The following KBTBD11 variants were observed in gnomAD, a reference collection of about 807,000 sequenced individuals.
KBTBD11 encodes the protein kelch repeat and BTB domain-containing protein 11.
For synonymous variants in KBTBD11, 747 were observed against 499.0 expected (o/e 1.50, Z -6.63); for missense variants, 1,390 against 1,001.8 (o/e 1.39, Z -5.23).
intron 1 of KBTBD11, among the ~76,000 whole-genome samples, chr8:1,985,934 A>G (rs1489743436): frequency 6.6e-6 from 1 of 152,234 alleles, no homozygotes; most frequent in Admixed American, 6.5e-5. Context: ...TTGTAGACAC[A>G]TCGGTTTTGC....
At chr8:1,985,658 C>G (rs950131263) in intron 1 of KBTBD11, among the ~76,000 whole-genome samples, 1 of 152,148 alleles carries the variant, frequency 6.6e-6, no homozygotes, top group Non-Finnish European at 1.5e-5. Context: ...TAGAGAAAAA[C>G]ACGAAATAAA....
rs915001067 is a variant in KBTBD11 at position 1,989,853 on chromosome 8, C to T, written c.-908-10432C>T. 1.9e-4 allele frequency among the ~76,000 whole-genome samples: 29 copies of T among 151,126 alleles called. 1 individual carries two copies. ...TGACTAAACCTCTTAAACTTGTGAC[C>T]AGCAGGGGTGAATCCCTGCTAATTT... On this transcript the variant is annotated intron_variant, in intron 1 of 1. Coordinates refer to ENST00000320248, the MANE Select transcript of KBTBD11 (RefSeq NM_014867.3).
intron 1 of KBTBD11, among the ~76,000 whole-genome samples, chr8:1,978,959 C>A (rs542060911): frequency 2.0e-5 from 3 of 152,270 alleles, no homozygotes; most frequent in East Asian, 3.9e-4. Flanking sequence ...AGAGACCCAC[C>A]CCCAGCCCAC....
rs1240406116 is a variant in KBTBD11, at chr8:2,001,401, G to A, written c.209G>A (p.Gly70Asp). 4 of 1,411,538 alleles carry A rather than the reference G, an allele frequency of 2.8e-6. No homozygotes were observed. The highest frequency in any genetic ancestry group is 3.7e-6 in the Non-Finnish European group (4 of 1,086,728). 87.4% of individuals were successfully genotyped at this position (1,411,538 alleles called of 1,614,324 possible). The change falls in exon 2 of 2, where the codon GGC (glycine) becomes GAC (aspartate). Residue 70 changes from glycine to aspartate, a missense_variant. Gly to Asp is a moderately conservative substitution (Grantham distance 94). Coordinates refer to ENST00000320248, the MANE Select transcript of KBTBD11 (RefSeq NM_014867.3). ...GCCACCTCCCCGCCCTCCAGCGGTG[G>A]CCCGCGGGTGGTGGAGCGGCAGTGG... The part of the protein sequence containing the change: ...GAATSPPSSG[G>D]PRVVERQWEA...
chr8:1,974,628 C>A (rs1816260914), intron 1 of KBTBD11: 1 of 985,358 alleles, frequency 1.0e-6, no homozygotes, highest in Non-Finnish European at 1.2e-6. Flanking sequence ...CGCCGCGGCT[C>A]CCGAGTCCTG....
chr8:1,980,534 A>T (rs1816505545), intron 1 of KBTBD11, among the ~76,000 whole-genome samples: 1 of 152,166 alleles, frequency 6.6e-6, no homozygotes, highest in Non-Finnish European at 1.5e-5. Flanking sequence ...CTTTAATCAA[A>T]ACTTTTAAAA....
chr8:1,997,771 C>A (rs1305770452), intron 1 of KBTBD11, among the ~76,000 whole-genome samples: 1 of 152,246 alleles, frequency 6.6e-6, no homozygotes, highest in African/African-American at 2.4e-5. Flanking sequence ...CCTTGTGATT[C>A]CTCCCAGTGA....
At chr8:1,993,146 C>T (rs987002543) in intron 1 of KBTBD11, among the ~76,000 whole-genome samples, 3 of 151,952 alleles carry the variant, frequency 2.0e-5, no homozygotes, top group African/African-American at 7.3e-5. Context: ...AGGGTCTCCC[C>T]ATGTTGCCCA....
At position 2,002,832 on chromosome 8, in the gene KBTBD11, C is replaced by G. The variant is rs1296609582; in HGVS notation, c.1640C>G (p.Pro547Arg). The change falls in exon 2 of 2, where the codon CCC (proline) becomes CGC (arginine). Residue 547 changes from proline (P) to arginine (R), a missense_variant. Physicochemically the swap from Pro to Arg is moderately radical, Grantham distance 103. Transcript: ENST00000320248. The surrounding 1 kb of genome is among the most constrained non-coding windows in gnomAD (Gnocchi z 4.1). ...CVAPLRLPGG[P>R]TGLQPFRCAA... Reference sequence around the variant, plus strand: ...GCGCCCCTGCGCCTCCCCGGCGGCCCCACGGGCCTGCAGCCCTTCCGCTGC... The same window carrying G: ...GCGCCCCTGCGCCTCCCCGGCGGCCGCACGGGCCTGCAGCCCTTCCGCTGC... 22 of 1,424,232 alleles carry G rather than the reference C, an allele frequency of 1.5e-5. No individual in the cohort carries two copies. Among genetic ancestry groups the G allele is most frequent in the Non-Finnish European group, 2.0e-5 (22 of 1,098,662 alleles). The allele number at this position is 1,424,232 out of a possible 1,614,324, so 88.2% of individuals were successfully genotyped here. A position where few individuals can be genotyped will look rare whatever the true frequency, so the allele number is the denominator to read the frequency against.
intron 1 of KBTBD11, among the ~76,000 whole-genome samples, chr8:1,993,441 C>G (rs1352725991): frequency 6.6e-6 from 1 of 150,428 alleles, no homozygotes; most frequent in Non-Finnish European, 1.5e-5. Flanking sequence ...ACCCATCCAT[C>G]CATCTATCCA....
Position 2,001,923 on chromosome 8 carries a change from A to G in KBTBD11, c.731A>G (p.Lys244Arg). ...TGCTACGAGGTCCTGAGCGCGGCCA[A>G]GCGGCAGCGGCTGAACGAGCTGCGC... ...ANCYEVLSAA[K>R]RQRLNELRDA... is the part of the protein sequence containing the mutation. The change falls in exon 2 of 2, where the codon AAG becomes AGG. Residue 244 changes from lysine (K) to arginine (R), a missense_variant. Lys to Arg is a conservative substitution (Grantham distance 26). Coordinates refer to ENST00000320248, the MANE Select transcript of KBTBD11 (RefSeq NM_014867.3). The G allele has an allele frequency of 6.8e-7, 1 of 1,461,938 alleles. No homozygotes were observed. Among genetic ancestry groups the G allele is most frequent in the Non-Finnish European group, 9.1e-7 (1 of 1,102,510 alleles). 90.6% of individuals were successfully genotyped at this position (1,461,938 alleles called of 1,614,324 possible). A position where few individuals can be genotyped will look rare whatever the true frequency, so the allele number is the denominator to read the frequency against.
intron 1 of KBTBD11, among the ~76,000 whole-genome samples, chr8:1,995,201 C>A (rs1162203464): frequency 1.3e-5 from 2 of 152,030 alleles, no homozygotes; most frequent in African/African-American, 2.4e-5. Flanking sequence ...GCTGTAGACA[C>A]CCTCCCCATT....
chr8:1,985,872 G>T (rs990391377), intron 1 of KBTBD11, among the ~76,000 whole-genome samples: 1 of 152,208 alleles, frequency 6.6e-6, no homozygotes, highest in Non-Finnish European at 1.5e-5. Context: ...AAAAGAGTTT[G>T]TAAAGAACGA....
At position 2,004,224 on chromosome 8, in the gene KBTBD11, C is replaced by G. The variant is rs1343828420; in HGVS notation, c.*1160C>G. 2 of 167,068 alleles carry G rather than the reference C, an allele frequency of 1.2e-5. No homozygotes were observed. The highest frequency in any genetic ancestry group is 1.9e-4 in the East Asian group (1 of 5,180). 10.3% of individuals were successfully genotyped at this position (167,068 alleles called of 1,614,324 possible). On this transcript the variant is annotated 3_prime_UTR_variant, in exon 2 of 2. Transcript: ENST00000320248. Reference sequence around the variant, plus strand: ...GTATTGAATTGAGTTCCAAAATACCCTAATAGAATTAACACGAGGCTCACT... The same window carrying G: ...GTATTGAATTGAGTTCCAAAATACCGTAATAGAATTAACACGAGGCTCACT...
rs570225499 is a variant in KBTBD11 at position 1,996,956 on chromosome 8, A to G, written c.-908-3329A>G. Among the ~76,000 whole-genome samples, 239 of 152,274 alleles carry G rather than the reference A, an allele frequency of 1.6e-3. 1 individual carries two copies. The highest frequency in any genetic ancestry group is 5.0e-3 in the African/African-American group (209 of 41,554). ...TTTAATTAGCCCTTGTTCTTATGAA[A>G]TGATTTCCTAATTACCAGCAAGGAG... On this transcript the variant is annotated intron_variant, in intron 1 of 1. Coordinates refer to ENST00000320248, the MANE Select transcript of KBTBD11 (RefSeq NM_014867.3).
chr8:1,987,704 C>G (rs982768980), intron 1 of KBTBD11, among the ~76,000 whole-genome samples: 21 of 150,340 alleles, frequency 1.4e-4, no homozygotes, highest in African/African-American at 4.7e-4. Context: ...CCAGGTTCAT[C>G]TGTCCTTATC....
intron 1 of KBTBD11, among the ~76,000 whole-genome samples, chr8:1,993,952 C>T (rs911091793): frequency 1.3e-5 from 2 of 151,308 alleles, no homozygotes; most frequent in African/African-American, 4.9e-5. Flanking sequence ...CACACACACA[C>T]ACACACAAAA....
Position 2,001,292 on chromosome 8 carries a change from C to G in KBTBD11, c.100C>G (p.Pro34Ala). ...SEGAASPAQT[P>A]CSLGASLCFS... ...GGGCGCCGCGTCCCCGGCGCAGACA[C>G]CCTGCAGTCTCGGCGCGTCCCTGTG... The change falls in exon 2 of 2, where the codon CCC (proline) becomes GCC (alanine). Residue 34 changes from proline to alanine, a missense_variant. Physicochemically the swap from Pro to Ala is conservative, Grantham distance 27. Transcript: ENST00000320248. 1 of 1,524,816 alleles carries G rather than the reference C, an allele frequency of 6.6e-7. No individual in the cohort carries two copies. The highest frequency in any genetic ancestry group is 8.7e-7 in the Non-Finnish European group (1 of 1,144,440). The allele number at this position is 1,524,816 out of a possible 1,614,324, so 94.5% of individuals were successfully genotyped here. A position where few individuals can be genotyped will look rare whatever the true frequency, so the allele number is the denominator to read the frequency against.
intron 1 of KBTBD11, among the ~76,000 whole-genome samples, chr8:1,990,240 C>CCGGG (rs1816862430): frequency 7.0e-6 from 1 of 141,940 alleles, no homozygotes; most frequent in African/African-American, 2.7e-5. Flanking sequence ...GGTGCCCTGT[C>CCGGG]TGGGTAGATG....
Sources: allele counts gnomAD v4.1 joint callset (sites outside exome capture counted in the v4.1 genomes callset), GRCh38; gene constraint gnomAD v4.1.1; non-coding constraint Gnocchi (gnomAD v3.1); transcripts MANE v1.5; gene names NCBI Gene and HGNC (gene_info 2026-07-23, HGNC 2026-07-21).